Variants in MPC2 observed in about 807,000 individuals in gnomAD.
MPC2 encodes brain protein 44.
In MPC2, 19 loss-of-function variants were observed where a neutral mutation model predicts 19.2. That is an observed-to-expected ratio of 0.99 (90% CI 0.69 to 1.45). MPC2 has a LOEUF of 1.45. MPC2 is among the 40% of genes most tolerant of loss of function. The pLI, the probability that MPC2 is intolerant of heterozygous loss-of-function variation, is 0.00. For synonymous variants in MPC2, 61 were observed against 54.3 expected (o/e 1.12, Z -0.54); for missense variants, 122 against 153.0 (o/e 0.80, Z 1.07).
intron 1 of MPC2, 163 bp from the exon 2 acceptor site, chr1:167,936,061 C>G (rs1671168793): frequency 2.4e-5 from 14 of 587,658 alleles, no homozygotes; most frequent in Non-Finnish European, 3.7e-5. Context: ...ACTGCCAGCC[C>G]CCGGTCCGCC....
rs946142359 is a variant in MPC2 at position 167,916,904 on chromosome 1, T to C, written c.*1419A>G. 1 of 152,238 alleles carries C rather than the reference T, an allele frequency of 6.6e-6. No homozygotes were observed. The highest frequency in any genetic ancestry group is 1.5e-5 in the Non-Finnish European group (1 of 68,042). The allele number at this position is 152,238 out of a possible 1,614,324, so 9.4% of individuals were successfully genotyped here. On this transcript the variant is annotated 3_prime_UTR_variant, in exon 6 of 6. Coordinates refer to ENST00000271373, the MANE Select transcript of MPC2 (RefSeq NM_001143674.4). ...AGTTTGACTCTTCAGAACCTCTTCA[T>C]TGTGGCCTATGTCAAGCTCTCTAAT... is the stretch of plus-strand genomic sequence containing the variant.
At chr1:167,926,340 A>C (rs1446882627) in intron 2 of MPC2, among the ~76,000 whole-genome samples, 1 of 152,172 alleles carries the variant, frequency 6.6e-6, no homozygotes, top group Non-Finnish European at 1.5e-5. Flanking sequence ...TCTAAGCAGT[A>C]TTGTTCTGGG....
At position 167,917,073 on chromosome 1, in the gene MPC2, CT is replaced by C. The variant is rs1251884124; in HGVS notation, c.*1249del. 6.6e-6 allele frequency: 1 copy of C among 152,162 alleles called. No individual in the cohort carries two copies. Among genetic ancestry groups the C allele is most frequent in the Non-Finnish European group, 1.5e-5 (1 of 68,024 alleles). 9.4% of individuals were successfully genotyped at this position (152,162 alleles called of 1,614,324 possible). ...TTTCTTCAAATTTTGAAATAACTTG[CT>C]TTGCTGACTCATCTGACTATATTTT... On this transcript the variant is annotated 3_prime_UTR_variant, in exon 6 of 6. Transcript: ENST00000271373.
chr1:167,920,204 A>C, intron 4 of MPC2, 114 bp from the exon 5 acceptor site: 2 of 677,040 alleles, frequency 3.0e-6, no homozygotes, highest in South Asian at 4.4e-5. Flanking sequence ...GGGACAAAGA[A>C]ATGCTATACT....
chr1:167,926,227 A>G (rs1670753068), intron 2 of MPC2, among the ~76,000 whole-genome samples: 3 of 152,250 alleles, frequency 2.0e-5, no homozygotes, highest in Admixed American at 6.5e-5. Context: ...AACAGTGCTG[A>G]AACAGCTGGT....
chr1:167,924,355 T>C, intron 3 of MPC2, 142 bp downstream of exon 3: 1 of 627,726 alleles, frequency 1.6e-6, no homozygotes, highest in Non-Finnish European at 2.6e-6. Flanking sequence ...AAACGATATG[T>C]CTGAGAATAT....
chr1:167,935,978 G>T (rs1671155049), intron 1 of MPC2, 80 bp from the exon 2 acceptor site: 2 of 682,440 alleles, frequency 2.9e-6, no homozygotes, highest in East Asian at 2.7e-5. Context: ...CCTTCCCGCG[G>T]CTTTCCCTGC....
At chr1:167,935,677 A>C in intron 2 of MPC2, 56 bp downstream of exon 2, 1 of 1,453,674 alleles carries the variant, frequency 6.9e-7, no homozygotes, top group South Asian at 1.2e-5. Flanking sequence ...TAAAAGGTCC[A>C]TTTTAGAGGA....
intron 2 of MPC2, among the ~76,000 whole-genome samples, chr1:167,925,483 A>ATG (rs1670725899): frequency 1.5e-5 from 2 of 137,076 alleles, no homozygotes; most frequent in Admixed American, 7.5e-5. Flanking sequence ...ATACATATAC[A>ATG]TATACACACA....
At chr1:167,931,249 ATTC>A (rs1438402254) in intron 2 of MPC2, among the ~76,000 whole-genome samples, 4 of 152,012 alleles carry the variant, frequency 2.6e-5, no homozygotes, top group Admixed American at 6.6e-5. Flanking sequence ...CTTTTTATGA[ATTC>A]TTCTGAGAAT....
intron 2 of MPC2, among the ~76,000 whole-genome samples, chr1:167,933,929 A>AT (rs1310553059): frequency 6.6e-6 from 1 of 152,200 alleles, no homozygotes; most frequent in Non-Finnish European, 1.5e-5. Context: ...AGATCATCTG[A>AT]TTTTCACAAC....
At chr1:167,930,335 C>G (rs891992937) in intron 2 of MPC2, among the ~76,000 whole-genome samples, 3 of 152,126 alleles carry the variant, frequency 2.0e-5, no homozygotes, top group Non-Finnish European at 4.4e-5. Context: ...TCTTCAGGTA[C>G]AAAGAATCAG....
chr1:167,925,452 T>C (rs1670716772), intron 2 of MPC2, among the ~76,000 whole-genome samples: 1 of 112,588 alleles, frequency 8.9e-6, no homozygotes, highest in Non-Finnish European at 1.8e-5. Flanking sequence ...CATATATATA[T>C]ATATATATAT....
At position 167,922,167 on chromosome 1, in the gene MPC2, C is replaced by T. The variant is rs139631745; in HGVS notation, c.151-1536G>A. ...TAAGTATCTAATAGAAGAAGTCTCC[C>T]CACCAGAGAACAAAACACAGAAGTT... On this transcript the variant is annotated intron_variant, in intron 3 of 5. Coordinates refer to ENST00000271373, the MANE Select transcript of MPC2 (RefSeq NM_001143674.4). Among the ~76,000 whole-genome samples the T allele has an allele frequency of 3.5e-3, 526 of 152,136 alleles. 2 individuals carry two copies. Among genetic ancestry groups the T allele is most frequent in the African/African-American group, 0.012 (487 of 41,502 alleles).
At chr1:167,919,295 C>G (rs1174277665) in intron 5 of MPC2, among the ~76,000 whole-genome samples, 1 of 152,158 alleles carries the variant, frequency 6.6e-6, no homozygotes, top group Non-Finnish European at 1.5e-5. Flanking sequence ...TCTACCATAC[C>G]TTGGGCTTCA....
chr1:167,918,389 A>G lies in MPC2; in HGVS notation c.348-30T>C, dbSNP rs773673277. On this transcript the variant is annotated intron_variant, in intron 5 of 5. Transcript: ENST00000271373. The stretch of plus-strand genomic sequence containing the variant: ...AAAGAAAACAGAAAGAAAAATAATC[A>G]TCAATAATAATAGACAAATTTATGG... 32 of 1,359,440 alleles carry G rather than the reference A, an allele frequency of 2.4e-5. 1 individual carries two copies. The highest frequency in any genetic ancestry group is 2.9e-5 in the African/African-American group (2 of 68,100). The allele number at this position is 1,359,440 out of a possible 1,614,324, so 84.2% of individuals were successfully genotyped here.
chr1:167,936,002 A>T, intron 1 of MPC2, 104 bp from the exon 2 acceptor site: 1 of 630,672 alleles, frequency 1.6e-6, no homozygotes, highest in Admixed American at 2.8e-5. Context: ...CTGTGAACCG[A>T]AAAGCTGCGG....
At chr1:167,922,742 C>A (rs1463864845) in intron 3 of MPC2, among the ~76,000 whole-genome samples, 1 of 152,132 alleles carries the variant, frequency 6.6e-6, no homozygotes, top group Non-Finnish European at 1.5e-5. Flanking sequence ...ATAGCCAATT[C>A]CAACTCTAAC....
Position 167,937,062 on chromosome 1 carries a change from G to C in MPC2, c.-181C>G. On this transcript the variant is annotated 5_prime_UTR_variant, in exon 1 of 6. Transcript: ENST00000271373. ...TGAGGTCGCCGCCTAGAGTGGGGGA[G>C]GGGGCACGCTGCCGGGTCTGTTGGA... is the stretch of plus-strand genomic sequence containing the variant. 4 of 1,469,748 alleles carry C rather than the reference G, an allele frequency of 2.7e-6. No individual in the cohort carries two copies. Among genetic ancestry groups the C allele is most frequent in the Non-Finnish European group, 3.8e-6 (4 of 1,065,780 alleles). 91.0% of individuals were successfully genotyped at this position (1,469,748 alleles called of 1,614,324 possible).
Sources: gnomAD v4.1 joint callset for allele counts (sites outside exome capture counted in the v4.1 genomes callset) on GRCh38, gnomAD v4.1.1 for gene constraint, MANE v1.5 for transcripts, NCBI Gene and HGNC (gene_info 2026-07-23, HGNC 2026-07-21) for gene names.